GALNT5: variants seen among roughly 807,000 people sequenced by gnomAD.
GALNT5 encodes polypeptide N-acetylgalactosaminyltransferase 5, also known as UDP-GalNAc:polypeptide N-acetylgalactosaminyltransferase 5.
In GALNT5, 72 loss-of-function variants were observed where a neutral mutation model predicts 85.4. The observed-to-expected ratio is 0.84, with a 90% confidence interval of 0.70 to 1.03. GALNT5 has a LOEUF of 1.03. Among genes scored for constraint, GALNT5 ranks in the 50% least tolerant of loss-of-function variants. GALNT5 has a pLI of 0.00. For missense variants in GALNT5, 1,137 were observed against 1,135.5 expected (o/e 1.00, Z -0.02); for synonymous variants, 404 against 397.0 (o/e 1.02, Z -0.21).
chr2:157,292,012 T>C (rs967555342), intron 3 of GALNT5, among the ~76,000 whole-genome samples: 1 of 152,194 alleles, frequency 6.6e-6, no homozygotes, highest in Non-Finnish European at 1.5e-5. Flanking sequence ...ATATATACAA[T>C]TATTATGTGT....
chr2:157,274,812 C>T (rs1209142978), intron 1 of GALNT5, among the ~76,000 whole-genome samples: 1 of 152,040 alleles, frequency 6.6e-6, no homozygotes, highest in East Asian at 1.9e-4. Context: ...TTTCTTTTGC[C>T]ATGCAGAAGC....
At position 157,314,756 on chromosome 2, in the gene GALNT5, G is replaced by A. The variant is rs886922834; in HGVS notation, c.*3408G>A. 2.6e-5 allele frequency among the ~76,000 whole-genome samples: 4 copies of A among 152,038 alleles called. No individual in the cohort carries two copies. The highest frequency in any genetic ancestry group is 9.7e-5 in the African/African-American group (4 of 41,396). On this transcript the variant is annotated 3_prime_UTR_variant, in exon 10 of 10. Transcript: ENST00000259056. ...CATCTTTCTTTGTTTTAACATCTCT[G>A]ATTGAATTCCTATATTCAGAATACA...
intron 4 of GALNT5, among the ~76,000 whole-genome samples, chr2:157,296,098 T>C (rs983094703): frequency 6.6e-6 from 1 of 152,150 alleles, no homozygotes; most frequent in African/African-American, 2.4e-5. Context: ...TCAAATTTAG[T>C]TCTTATTTCT....
At chr2:157,267,340 C>A (rs561622754) in intron 1 of GALNT5, among the ~76,000 whole-genome samples, 5 of 152,098 alleles carry the variant, frequency 3.3e-5, no homozygotes, top group Non-Finnish European at 5.9e-5. Flanking sequence ...AGTGGGAAAC[C>A]GTTAAATGAT....
At chr2:157,272,536 C>T (rs750606340) in intron 1 of GALNT5, among the ~76,000 whole-genome samples, 4 of 152,104 alleles carry the variant, frequency 2.6e-5, no homozygotes, top group Non-Finnish European at 4.4e-5. Context: ...CCTTCCTTAC[C>T]CTCTCTAGTA....
intron 7 of GALNT5, chr2:157,302,084 T>G (rs1210146845): frequency 6.6e-6 from 1 of 152,238 alleles, no homozygotes; most frequent in Non-Finnish European, 1.5e-5. Context: ...ATTTCTAATT[T>G]AATTTGACTT....
At chr2:157,300,553 G>C in intron 6 of GALNT5, 123 bp from the exon 7 acceptor site, 1 of 696,516 alleles carries the variant, frequency 1.4e-6, no homozygotes, top group Non-Finnish European at 2.5e-6. Flanking sequence ...TATTGCAAAA[G>C]TGTTTTTGAA....
Position 157,312,453 on chromosome 2 carries a change from G to A in GALNT5, c.*1105G>A, listed in dbSNP as rs1215258533. On this transcript the variant is annotated 3_prime_UTR_variant, in exon 10 of 10. Transcript: ENST00000259056. ...CCGCTGGACTTGGCCAAAGAAAGAA[G>A]GGGATCTAGTATCTCTATGAAGGAA... The A allele has an allele frequency of 6.6e-6, 1 of 151,872 alleles. No homozygotes were observed. Among genetic ancestry groups the A allele is most frequent in the Non-Finnish European group, 1.5e-5 (1 of 67,934 alleles). 9.4% of individuals were successfully genotyped at this position (151,872 alleles called of 1,614,324 possible). A position where few individuals can be genotyped will look rare whatever the true frequency, so the allele number is the denominator to read the frequency against.
chr2:157,311,673 A>AT lies in GALNT5; in HGVS notation c.*326dup, dbSNP rs1167266810. 5.4e-6 allele frequency: 1 copy of AT among 185,628 alleles called. No homozygotes were observed. 11.5% of individuals were successfully genotyped at this position (185,628 alleles called of 1,614,324 possible). ...CAGAAGGACTTGAGAAAGCATGAGG[A>AT]TATTCCCAATGACTATGTTTGGTAA... On this transcript the variant is annotated 3_prime_UTR_variant, in exon 10 of 10. Transcript: ENST00000259056.
At chr2:157,309,992 G>T (rs902789746) in intron 9 of GALNT5, among the ~76,000 whole-genome samples, 3 of 152,072 alleles carry the variant, frequency 2.0e-5, no homozygotes, top group East Asian at 1.9e-4. Context: ...GAAAGGGGGG[G>T]ATGTGGTAAG....
chr2:157,297,506 C>T (rs1683240132), intron 5 of GALNT5, among the ~76,000 whole-genome samples: 1 of 152,186 alleles, frequency 6.6e-6, no homozygotes, highest in South Asian at 2.1e-4. Flanking sequence ...CCCAGAATTA[C>T]CTGGATTTAA....
intron 1 of GALNT5, among the ~76,000 whole-genome samples, chr2:157,281,744 T>A (rs1682859117): frequency 6.6e-6 from 1 of 152,178 alleles, no homozygotes; most frequent in Non-Finnish European, 1.5e-5. Flanking sequence ...ATAGAGCACA[T>A]GATTGAGAAA....
At chr2:157,265,806 C>T (rs76825941) in intron 1 of GALNT5, among the ~76,000 whole-genome samples, 3,807 of 152,194 alleles carry the variant, frequency 0.025, 158 homozygotes, top group East Asian at 0.13. Flanking sequence ...TGTTTGCTTT[C>T]GAAATGAAAG....
chr2:157,281,072 T>C (rs566092453), intron 1 of GALNT5, among the ~76,000 whole-genome samples: 1 of 152,252 alleles, frequency 6.6e-6, no homozygotes, highest in African/African-American at 2.4e-5. Context: ...TCTTTCTTTC[T>C]TTTAGATGAA....
intron 1 of GALNT5, among the ~76,000 whole-genome samples, chr2:157,273,568 C>A (rs1349004465): frequency 7.0e-6 from 1 of 142,272 alleles, no homozygotes; most frequent in South Asian, 2.2e-4. Flanking sequence ...AATAAACCTA[C>A]ATTTTGTTGA....
rs558243988 is a variant in GALNT5, at chr2:157,310,847, G to A, written c.2683-361G>A. 8.5e-5 allele frequency among the ~76,000 whole-genome samples: 13 copies of A among 152,076 alleles called. No individual in the cohort carries two copies. In the South Asian group the frequency reaches 1.5e-3, roughly 17 times the overall value. On this transcript the variant is annotated intron_variant, in intron 9 of 9. Coordinates refer to ENST00000259056, the MANE Select transcript of GALNT5 (RefSeq NM_014568.3). ...TAAAAATTAATTAACTTTTTGTTAC[G>A]GTATGTATTCTTTCTTTACCATCAA...
chr2:157,261,834 A>T (rs1386166586), intron 1 of GALNT5, among the ~76,000 whole-genome samples: 1 of 152,114 alleles, frequency 6.6e-6, no homozygotes, highest in Non-Finnish European at 1.5e-5. Flanking sequence ...TTGTTTTTTT[A>T]AATTTGGCTT....
chr2:157,300,549 A>C, intron 6 of GALNT5, 127 bp from the exon 7 acceptor site: 1 of 687,442 alleles, frequency 1.5e-6, no homozygotes, highest in Non-Finnish European at 2.5e-6. Context: ...TTTCTATTGC[A>C]AAAGTGTTTT....
At chr2:157,293,035 G>C (rs1452382493) in intron 3 of GALNT5, among the ~76,000 whole-genome samples, 2 of 152,072 alleles carry the variant, frequency 1.3e-5, no homozygotes, top group Non-Finnish European at 2.9e-5. Flanking sequence ...TATACCACTA[G>C]CCAAGTGGAC....
Sources: allele counts gnomAD v4.1 joint callset (sites outside exome capture counted in the v4.1 genomes callset), GRCh38; gene constraint gnomAD v4.1.1; transcripts MANE v1.5; gene names NCBI Gene and HGNC (gene_info 2026-07-23, HGNC 2026-07-21).